Variants in TMEM114 observed in about 807,000 individuals in gnomAD.
TMEM114 encodes the protein transmembrane protein 114, also known as claudin-26.
In TMEM114, 6 loss-of-function variants were observed where a neutral mutation model predicts 6.2. The observed-to-expected ratio is 0.97, with a 90% CI of 0.53 to 1.91. The LOEUF is 1.91. TMEM114 is among the 40% of genes most tolerant of loss of function. The pLI, the probability that TMEM114 is intolerant of heterozygous loss-of-function variation, is 0.01. For missense variants in TMEM114, 218 were observed against 158.3 expected (o/e 1.38, Z -2.02); for synonymous variants, 104 against 73.0 (o/e 1.42, Z -2.16).
chr16:8,573,104 G>A (rs1337718343), intron 2 of TMEM114, among the ~76,000 whole-genome samples: 1 of 152,198 alleles, frequency 6.6e-6, no homozygotes, highest in Admixed American at 6.5e-5. Context: ...CACCTTGATT[G>A]CATCATGCAA....
rs1567206204 is a variant in TMEM114, at chr16:8,569,834, GC to G, written c.610del (p.Ala204GlnfsTer12). Reference protein sequence around the residue: ...ISFIAELLTGAAFLAAARELS... With the variant: ...ISFIAELLTGXAFLAAARELS... ...CTCGCGGGCTGCTGCCAGGAAGGCT[GC>G]CCCGGTGAGCAGCTCGGCGATGAAG... On this transcript the variant is annotated frameshift_variant, in exon 4 of 4. Transcript: ENST00000620492. LOFTEE classifies it high-confidence loss of function. 1 of 1,550,990 alleles carries G rather than the reference GC, an allele frequency of 6.4e-7. No homozygotes were observed. Among genetic ancestry groups the G allele is most frequent in the Non-Finnish European group, 8.7e-7 (1 of 1,146,950 alleles).
chr16:8,532,930 AG>A (rs1252544469), downstream of TMEM114, among the ~76,000 whole-genome samples: 4 of 152,218 alleles, frequency 2.6e-5, no homozygotes, highest in African/African-American at 9.6e-5. Flanking sequence ...TCTCAAAAAA[AG>A]GAAAAAAAAT....
At chr16:8,583,295 A>G (rs1902215586) in intron 2 of TMEM114, among the ~76,000 whole-genome samples, 1 of 152,218 alleles carries the variant, frequency 6.6e-6, no homozygotes, top group South Asian at 2.1e-4. Context: ...CATAGATGAA[A>G]AGCTTGAGGC....
chr16:8,573,759 G>T (rs1236712086), intron 2 of TMEM114, among the ~76,000 whole-genome samples: 1 of 152,100 alleles, frequency 6.6e-6, no homozygotes, highest in Non-Finnish European at 1.5e-5. Flanking sequence ...ATTCACCACT[G>T]TCCACCCAGT....
downstream of TMEM114, among the ~76,000 whole-genome samples, chr16:8,535,771 C>T (rs1900338831): frequency 6.6e-6 from 1 of 152,154 alleles, no homozygotes; most frequent in Non-Finnish European, 1.5e-5. Context: ...AGACTCACTG[C>T]GTAGGGAGCC....
At position 8,589,955 on chromosome 16, in the gene TMEM114, C is replaced by A; in HGVS notation, c.-117G>T. On this transcript the variant is annotated 5_prime_UTR_variant, in exon 1 of 4. Coordinates refer to ENST00000620492, the MANE Select transcript of TMEM114 (RefSeq NM_001146336.2). ...CCCAGCTCCACCGCCGCCAGAGCCGCGGAGCTCAGATCTGAAAGCCTTTCC... is the reference window on the plus strand; with the variant it reads ...CCCAGCTCCACCGCCGCCAGAGCCGAGGAGCTCAGATCTGAAAGCCTTTCC... 1 of 387,346 alleles carries A rather than the reference C, an allele frequency of 2.6e-6. No homozygotes were observed. The highest frequency in any genetic ancestry group is 3.7e-5 in the East Asian group (1 of 27,020). 24.0% of individuals were successfully genotyped at this position (387,346 alleles called of 1,614,324 possible). A position where few individuals can be genotyped will look rare whatever the true frequency, so the allele number is the denominator to read the frequency against.
At chr16:8,553,741 A>C (rs993045591) in intron 2 of TMEM114, among the ~76,000 whole-genome samples, 3 of 151,894 alleles carry the variant, frequency 2.0e-5, no homozygotes, top group Non-Finnish European at 2.9e-5. Flanking sequence ...TCGGCCTCCC[A>C]AAGTGCTGGG....
chr16:8,564,973 G>C (rs376227219), downstream of TMEM114, among the ~76,000 whole-genome samples: 190 of 151,824 alleles, frequency 1.3e-3, 2 homozygotes, highest in African/African-American at 4.4e-3. Flanking sequence ...GAGTGAGGGA[G>C]TGAAAGAGTG....
intron 2 of TMEM114, among the ~76,000 whole-genome samples, chr16:8,584,838 C>G (rs1055581514): frequency 6.8e-6 from 1 of 146,914 alleles, no homozygotes; most frequent in East Asian, 2.0e-4. Flanking sequence ...AGAAGAATTG[C>G]TTAAATCCAG....
At chr16:8,573,287 C>T (rs75623030) in intron 2 of TMEM114, among the ~76,000 whole-genome samples, 2,461 of 152,276 alleles carry the variant, frequency 0.016, 70 homozygotes, top group African/African-American at 0.057. Flanking sequence ...CAGAGCCAAA[C>T]GGATCCACCT....
At chr16:8,530,457 C>G in the TMEM114 span, among the ~76,000 whole-genome samples, 10 of 151,978 alleles carry the variant, frequency 6.6e-5, no homozygotes, top group African/African-American at 2.4e-4. Context: ...CTGGGAAGGA[C>G]TAGACTGGGA....
intron 2 of TMEM114, among the ~76,000 whole-genome samples, chr16:8,559,773 G>A (rs1567200815): frequency 6.6e-6 from 1 of 152,182 alleles, no homozygotes; most frequent in Non-Finnish European, 1.5e-5. Flanking sequence ...ACTTCGTTCT[G>A]CTGATGATGG....
intron 2 of TMEM114, among the ~76,000 whole-genome samples, chr16:8,577,942 G>C (rs909748295): frequency 1.3e-5 from 2 of 152,112 alleles, no homozygotes; most frequent in Admixed American, 6.5e-5. Context: ...AAATGCCTTT[G>C]GGTCCCCAGT....
At chr16:8,532,182 C>G in the TMEM114 span, among the ~76,000 whole-genome samples, 1 of 152,130 alleles carries the variant, frequency 6.6e-6, no homozygotes, top group African/African-American at 2.4e-5. Context: ...ATAAATTTTT[C>G]TTTTGAAACA....
rs1192105459 is a variant in TMEM114 at position 8,557,322 on chromosome 16, A to C, written n.213-19496T>G. 2.6e-5 allele frequency among the ~76,000 whole-genome samples: 4 copies of C among 152,052 alleles called. No individual in the cohort carries two copies. In the East Asian group the frequency reaches 7.7e-4, roughly 29 times the overall value. ...CCAGGAACTGCCATATAAGCCTCCC[A>C]AAAGCCCTGATACTACCATATTGTC... On this transcript the variant is annotated intron_variant and non_coding_transcript_variant, in intron 2 of 2. Transcript: ENST00000623677.
intron 2 of TMEM114, among the ~76,000 whole-genome samples, chr16:8,550,309 C>T (rs1900800219): frequency 6.6e-6 from 1 of 152,244 alleles, no homozygotes; most frequent in Admixed American, 6.5e-5. Context: ...TTGCATCCTT[C>T]AAGCCAATCA....
downstream of TMEM114, among the ~76,000 whole-genome samples, chr16:8,566,083 G>A (rs1260715070): frequency 2.0e-5 from 3 of 152,100 alleles, no homozygotes; most frequent in Admixed American, 1.3e-4. Context: ...GAAACAGAAT[G>A]GATCGGGCCA....
In TMEM114 at chr16:8,548,709, G is replaced by GA. The variant is rs954591200; in HGVS notation, n.213-10884dup. Among the ~76,000 whole-genome samples, 4 of 112,838 alleles carry GA rather than the reference G, an allele frequency of 3.5e-5. No homozygotes were observed. In the East Asian group the frequency reaches 6.8e-4, roughly 19 times the overall value. The allele number at this position is 112,838 out of a possible 152,430, so 74.0% of individuals were successfully genotyped here. A position where few individuals can be genotyped will look rare whatever the true frequency, so the allele number is the denominator to read the frequency against. ...AAATTGCCATGTATATATATACACA[G>GA]AAAAAAAATACACCCATATATGGAA... is the stretch of plus-strand genomic sequence containing the variant. On this transcript the variant is annotated intron_variant and non_coding_transcript_variant, in intron 2 of 2. Coordinates refer to the TMEM114 transcript ENST00000623677.
At chr16:8,527,025 T>A in the TMEM114 span, among the ~76,000 whole-genome samples, 1 of 152,274 alleles carries the variant, frequency 6.6e-6, no homozygotes, top group South Asian at 2.1e-4. Flanking sequence ...CTGGCCAACA[T>A]GGGGAAACCC....
Sources: gnomAD v4.1 joint callset for allele counts (sites outside exome capture counted in the v4.1 genomes callset) on GRCh38, gnomAD v4.1.1 for gene constraint, MANE v1.5 for transcripts, NCBI Gene and HGNC (gene_info 2026-07-23, HGNC 2026-07-21) for gene names.